The following HEMK2 variants were observed in gnomAD, a reference collection of about 807,000 sequenced individuals.
HEMK2 encodes methyltransferase HEMK2.
the HEMK2 span, among the ~76,000 whole-genome samples, chr21:28,651,156 G>C: frequency 6.6e-6 from 1 of 152,182 alleles, no homozygotes; most frequent in African/African-American, 2.4e-5. Context: ...AAAGCGCATA[G>C]TTTTATGCTC....
the HEMK2 span, chr21:28,885,235 C>T: frequency 5.7e-6 from 9 of 1,589,532 alleles, no homozygotes; most frequent in African/African-American, 1.3e-5. Context: ...CAGCCGCTGC[C>T]TCCAGCGCGT....
the HEMK2 span, among the ~76,000 whole-genome samples, chr21:28,715,796 CTATCT>C: frequency 6.6e-6 from 1 of 152,134 alleles, no homozygotes; most frequent in Non-Finnish European, 1.5e-5. Context: ...AGTCTTTAAT[CTATCT>C]TAAGTTAATT....
chr21:28,839,006 TATATAC>T, the HEMK2 span, among the ~76,000 whole-genome samples: 3,250 of 72,954 alleles, frequency 0.045, 113 homozygotes, highest in East Asian at 0.12. Context: ...TATATACATA[TATATAC>T]ACAATCTGCC....
At chr21:28,866,175 A>AAAAAAAAAACAAAAAAACACAC in the HEMK2 span, among the ~76,000 whole-genome samples, 1 of 76,234 alleles carries the variant, frequency 1.3e-5, no homozygotes, top group African/African-American at 5.1e-5. Flanking sequence ...CAAAAAAAAA[A>AAAAAAAAAACAAAAAAACACAC]ACACACACAC....
At chr21:28,718,862 A>T in the HEMK2 span, among the ~76,000 whole-genome samples, 1 of 152,216 alleles carries the variant, frequency 6.6e-6, no homozygotes, top group Admixed American at 6.5e-5. Context: ...ATGATAAGAC[A>T]AAAGAGTAGA....
the HEMK2 span, among the ~76,000 whole-genome samples, chr21:28,613,091 G>C: frequency 6.7e-6 from 1 of 150,192 alleles, no homozygotes; most frequent in Non-Finnish European, 1.5e-5. Context: ...TAGATAGATA[G>C]ATAGAAAGAT....
the HEMK2 span, among the ~76,000 whole-genome samples, chr21:28,744,032 TAATGAG>T: frequency 6.6e-6 from 1 of 151,702 alleles, no homozygotes; most frequent in Admixed American, 6.6e-5. Context: ...GGGAGCTAAA[TAATGAG>T]AATTCATGGA....
chr21:28,824,762 T>G, the HEMK2 span, among the ~76,000 whole-genome samples: 7 of 152,220 alleles, frequency 4.6e-5, no homozygotes, highest in Non-Finnish European at 8.8e-5. Flanking sequence ...ATGGACAGTC[T>G]TCCTCTTGGC....
the HEMK2 span, among the ~76,000 whole-genome samples, chr21:28,603,756 T>C: frequency 1.3e-5 from 2 of 152,324 alleles, no homozygotes; most frequent in East Asian, 1.9e-4. Flanking sequence ...ACTCCCACAA[T>C]GTGTTTAGTT....
chr21:28,577,465 A>G, the HEMK2 span: 1 of 152,242 alleles, frequency 6.6e-6, no homozygotes, highest in East Asian at 1.9e-4. Context: ...GTATTTTGAT[A>G]TAAGTTTTCT....
chr21:28,707,011 G>T, the HEMK2 span, among the ~76,000 whole-genome samples: 1 of 152,154 alleles, frequency 6.6e-6, no homozygotes. Flanking sequence ...ATTCTCTAAA[G>T]TCTAGCAGTT....
At chr21:28,740,064 T>C in the HEMK2 span, among the ~76,000 whole-genome samples, 1 of 152,326 alleles carries the variant, frequency 6.6e-6, no homozygotes, top group East Asian at 1.9e-4. Flanking sequence ...CCCAAAGAGT[T>C]CCCTTGATAT....
the HEMK2 span, among the ~76,000 whole-genome samples, chr21:28,783,147 A>C: frequency 6.6e-6 from 1 of 152,128 alleles, no homozygotes. Context: ...CTAAACACAA[A>C]ATTTATTTGT....
the HEMK2 span, chr21:28,885,164 T>G: frequency 1.3e-6 from 2 of 1,494,704 alleles, no homozygotes; most frequent in South Asian, 2.5e-5. Flanking sequence ...CCGCACTTCT[T>G]CAGAAAGCCG....
chr21:28,826,140 T>C, the HEMK2 span, among the ~76,000 whole-genome samples: 2 of 152,140 alleles, frequency 1.3e-5, no homozygotes, highest in Admixed American at 1.3e-4. Context: ...AGTGGAAAAG[T>C]TCAGCACAAA....
At chr21:28,697,827 G>T in the HEMK2 span, among the ~76,000 whole-genome samples, 1 of 145,838 alleles carries the variant, frequency 6.9e-6, no homozygotes, top group Non-Finnish European at 1.5e-5. Context: ...ACCCAGTCTC[G>T]GGTATTCCTT....
At chr21:28,726,211 A>G in the HEMK2 span, among the ~76,000 whole-genome samples, 1 of 152,146 alleles carries the variant, frequency 6.6e-6, no homozygotes, top group Non-Finnish European at 1.5e-5. Context: ...CTTTGACTAT[A>G]TAGGTTCAAA....
At chr21:28,764,710 A>T in the HEMK2 span, among the ~76,000 whole-genome samples, 1 of 152,092 alleles carries the variant, frequency 6.6e-6, no homozygotes, top group Admixed American at 6.5e-5. Flanking sequence ...TTATAACTTA[A>T]GGCTGCAGCT....
chr21:28,814,293 G>A, the HEMK2 span, among the ~76,000 whole-genome samples: 17 of 142,376 alleles, frequency 1.2e-4, no homozygotes, highest in South Asian at 2.4e-4. Flanking sequence ...AGAAAACCTA[G>A]GCAATACCAT....
Sources: gnomAD v4.1 joint callset for allele counts (sites outside exome capture counted in the v4.1 genomes callset) on GRCh38, gnomAD v4.1.1 for gene constraint, MANE v1.5 for transcripts, NCBI Gene and HGNC (gene_info 2026-07-23, HGNC 2026-07-21) for gene names.